The following D2HGDH variants were observed in gnomAD, a reference collection of about 807,000 sequenced individuals.
The protein encoded by D2HGDH is D-2-hydroxyglutarate dehydrogenase, mitochondrial.
In D2HGDH, 31 loss-of-function variants were observed where a neutral mutation model predicts 46.9. The observed-to-expected ratio is 0.66, with a 90% confidence interval of 0.50 to 0.89. The LOEUF (loss-of-function observed/expected upper bound fraction) is 0.89, where lower values mean the gene tolerates loss of function less well. D2HGDH is among the 40% of genes least tolerant of loss of function. The pLI is 0.00. For synonymous variants in D2HGDH, 364 were observed against 332.6 expected, an observed-to-expected ratio of 1.09 and a Z score of -1.03; for missense variants, 698 against 720.8, an observed-to-expected ratio of 0.97 and a Z score of 0.36.
chr2:241,737,643 C>G (rs1024309952), intron 2 of D2HGDH, among the ~76,000 whole-genome samples: 1 of 152,152 alleles, frequency 6.6e-6, no homozygotes, highest in South Asian at 2.1e-4. Context: ...CTGGGTTACA[C>G]GCCTGTAACC....
intron 9 of D2HGDH, among the ~76,000 whole-genome samples, chr2:241,764,259 T>C (rs1432203205): frequency 6.6e-6 from 1 of 152,166 alleles, no homozygotes; most frequent in Non-Finnish European, 1.5e-5. Context: ...TTTGTTCTCG[T>C]AGGGGTGGAG....
intron 6 of D2HGDH, chr2:241,749,847 C>CAT (rs1696817917): frequency 2.3e-6 from 1 of 431,468 alleles, no homozygotes; most frequent in African/African-American, 2.0e-5. Flanking sequence ...TGACACCAGG[C>CAT]GTGCCCTGCC....
intron 6 of D2HGDH, among the ~76,000 whole-genome samples, chr2:241,747,912 G>A (rs1447907924): frequency 2.6e-5 from 4 of 151,940 alleles, no homozygotes; most frequent in Admixed American, 6.6e-5. Context: ...TGCAGTCTTC[G>A]GGGCAAGTTG....
chr2:241,751,054 G>A (rs562977007), intron 7 of D2HGDH, among the ~76,000 whole-genome samples, 192 bp from the exon 8 acceptor site: 24 of 152,278 alleles, frequency 1.6e-4, no homozygotes, highest in African/African-American at 4.6e-4. Flanking sequence ...CACTGTGCCC[G>A]GCCAAAGACG....
chr2:241,750,403 G>A lies in D2HGDH; in HGVS notation c.997+109G>A, dbSNP rs572895480. On this transcript the variant is annotated intron_variant, in intron 7 of 9. Coordinates refer to ENST00000321264, the MANE Select transcript of D2HGDH (RefSeq NM_152783.5). The stretch of plus-strand genomic sequence containing the variant: ...GTGGGCGGGGGGTGCCCGGGCGGGC[G>A]GGTGGGGGGTCCCTGGGCGGAGCAT... 473 of 1,079,104 alleles carry A rather than the reference G, an allele frequency of 4.4e-4. 42 individuals carry two copies. Among genetic ancestry groups the A allele is most frequent in the Non-Finnish European group, 6.0e-4 (448 of 750,462 alleles). The allele number at this position is 1,079,104 out of a possible 1,614,324, so 66.8% of individuals were successfully genotyped here.
chr2:241,748,874 T>C, intron 6 of D2HGDH: 1 of 1,295,660 alleles, frequency 7.7e-7, no homozygotes. Flanking sequence ...GTCACCTGTG[T>C]GCCGCCCGCC....
chr2:241,750,373 C>G, intron 7 of D2HGDH, 79 bp downstream of exon 7: 2 of 1,268,784 alleles, frequency 1.6e-6, no homozygotes, highest in Non-Finnish European at 2.1e-6. Context: ...GCTCAGAGAC[C>G]CCGGGTGGGC....
intron 7 of D2HGDH, among the ~76,000 whole-genome samples, chr2:241,750,833 C>T (rs1697056254): frequency 6.6e-6 from 1 of 152,154 alleles, no homozygotes; most frequent in East Asian, 1.9e-4. Context: ...TCTTCTGCCT[C>T]AGCAGCTTCC....
chr2:241,765,274 C>T (rs150589057), intron 9 of D2HGDH, among the ~76,000 whole-genome samples: 11,765 of 144,912 alleles, frequency 0.081, 513 homozygotes, highest in Non-Finnish European at 0.12. Flanking sequence ...ATGGGAGCCC[C>T]GGGCTGAGGG....
intron 9 of D2HGDH, among the ~76,000 whole-genome samples, chr2:241,762,397 T>C (rs1034086706): frequency 2.6e-5 from 4 of 152,198 alleles, no homozygotes; most frequent in Non-Finnish European, 5.9e-5. Context: ...TGCTTTCAGC[T>C]CCTTCCATTG....
In D2HGDH at chr2:241,742,057, G is replaced by A. The variant is rs1694611328; in HGVS notation, c.351-378G>A. On this transcript the variant is annotated intron_variant, in intron 3 of 9. Transcript: ENST00000321264. This position sits in a 1 kb window ranked among gnomAD's most constrained non-coding sequence, Gnocchi z 4.8. ...GTCTGGGGGATAATGGGCCGAGGGT[G>A]GGGAGATGCAGGCAGAGGGTGGAAG... is the stretch of plus-strand genomic sequence containing the variant. 6.6e-6 allele frequency among the ~76,000 whole-genome samples: 1 copy of A among 152,162 alleles called. No individual in the cohort carries two copies. Among genetic ancestry groups the A allele is most frequent in the Admixed American group, 6.5e-5 (1 of 15,280 alleles).
At chr2:241,734,866 G>C (rs1692296412) in intron 1 of D2HGDH, 171 bp downstream of exon 1, 2 of 232,850 alleles carry the variant, frequency 8.6e-6, no homozygotes, top group Non-Finnish European at 1.7e-5. Context: ...ACGCGCGCGC[G>C]TCCGCGGGAT....
At chr2:241,749,148 C>A in intron 6 of D2HGDH, 2 of 856,532 alleles carry the variant, frequency 2.3e-6, no homozygotes, top group Non-Finnish European at 1.5e-6. Context: ...GGGATTCCTG[C>A]CCACTCTGAG....
At position 241,749,389 on chromosome 2, in the gene D2HGDH, C is replaced by T. The variant is rs557172717; in HGVS notation, c.854-762C>T. The T allele has an allele frequency of 1.6e-4, 200 of 1,270,038 alleles. 2 individuals are homozygous for T. The South Asian group carries it at 2.3e-3, about 15-fold the overall frequency. The allele number at this position is 1,270,038 out of a possible 1,614,324, so 78.7% of individuals were successfully genotyped here. A position where few individuals can be genotyped will look rare whatever the true frequency, so the allele number is the denominator to read the frequency against. ...ATGCCTTTGCATTGCCTCCCTGTCT[C>T]GCCCTGAAAGGTGGGCACGGGCCCC... On this transcript the variant is annotated intron_variant, in intron 6 of 9. Coordinates refer to ENST00000321264, the MANE Select transcript of D2HGDH (RefSeq NM_152783.5).
rs141475702 is a variant in D2HGDH at position 241,750,190 on chromosome 2, C to G, written c.893C>G (p.Thr298Ser). 1 of 1,614,100 alleles carries G rather than the reference C, an allele frequency of 6.2e-7. No homozygotes were observed. The highest frequency in any genetic ancestry group is 1.1e-5 in the South Asian group (1 of 91,082). ...GFAEVLQTFS[T>S]CKGMLGEILS... ...GCTGAGGTTCTGCAGACCTTCAGCA[C>G]CTGCAAGGGGATGCTGGGTGAGATC... Residue 298 changes from threonine (T) to serine (S), a missense_variant, in exon 7 of 10, where the codon ACC (threonine) becomes AGC (serine). By Grantham distance (58) the Thr-to-Ser change is moderately conservative. Coordinates refer to ENST00000321264, the MANE Select transcript of D2HGDH (RefSeq NM_152783.5).
intron 9 of D2HGDH, among the ~76,000 whole-genome samples, chr2:241,764,245 G>T (rs1355186422): frequency 1.3e-5 from 2 of 152,326 alleles, no homozygotes; most frequent in Admixed American, 1.3e-4. Context: ...CTCCCTGCCT[G>T]GGGTTTGTTC....
rs1207158893 is a variant in D2HGDH, at chr2:241,759,742, AT to A, written c.1306+3731del. Among the ~76,000 whole-genome samples the A allele has an allele frequency of 4.6e-5, 7 of 151,098 alleles. No homozygotes were observed. The East Asian group carries it at 1.4e-3, about 29-fold the overall frequency. On this transcript the variant is annotated intron_variant, in intron 9 of 9. Coordinates refer to ENST00000321264, the MANE Select transcript of D2HGDH (RefSeq NM_152783.5). ...GCTCTTCTGGTTTATGTTCTTTGTC[AT>A]TTAGCTTTTTGCCGTTTACTAACTG...
chr2:241,736,942 T>C (rs891643512), intron 2 of D2HGDH, among the ~76,000 whole-genome samples: 4 of 152,174 alleles, frequency 2.6e-5, no homozygotes, highest in Non-Finnish European at 5.9e-5. Flanking sequence ...ATGACAGGCA[T>C]GAGCCACTGC....
chr2:241,753,886 A>G (rs1575303145), intron 8 of D2HGDH, among the ~76,000 whole-genome samples: 1 of 152,218 alleles, frequency 6.6e-6, no homozygotes, highest in Non-Finnish European at 1.5e-5. Context: ...AGCTCAGCCC[A>G]TGGCCCCTCA....
Sources: allele counts gnomAD v4.1 joint callset (sites outside exome capture counted in the v4.1 genomes callset), GRCh38; gene constraint gnomAD v4.1.1; non-coding constraint Gnocchi (gnomAD v3.1); transcripts MANE v1.5; gene names NCBI Gene and HGNC (gene_info 2026-07-23, HGNC 2026-07-21).